The following BARX2 variants were observed in gnomAD, a reference collection of about 807,000 sequenced individuals.
BARX2 encodes the protein BARX homeobox 2.
BARX2 carries 11 observed loss-of-function variants against 25.5 expected under a neutral mutation model. That is an observed-to-expected ratio of 0.43 (90% CI 0.27 to 0.71). The LOEUF (loss-of-function observed/expected upper bound fraction) is 0.71, where lower values mean the gene tolerates loss of function less well. Among genes scored for constraint, BARX2 ranks in the 30% least tolerant of loss-of-function variants. BARX2 has a pLI of 0.19. For synonymous variants in BARX2, 137 were observed against 149.5 expected (o/e 0.92, Z 0.61); for missense variants, 360 against 359.9 (o/e 1.00, Z 0.00).
At chr11:129,447,447 T>C (rs1862344489) in intron 3 of BARX2, among the ~76,000 whole-genome samples, 1 of 152,024 alleles carries the variant, frequency 6.6e-6, no homozygotes, top group Non-Finnish European at 1.5e-5. Flanking sequence ...CTAAACTGGC[T>C]CTAAGAATAA....
rs762710205 is a variant in BARX2 at position 129,376,221 on chromosome 11, G to A, written c.186G>A (p.Thr62=). ...VVRPKPLHSC[T]GSPSLRAYPL... is the part of the protein sequence containing the mutation. ...GACCCAAGCCCCTGCATTCCTGTACGGGTAAGACGCTCCGCTAGGGGATAA... is the reference window on the plus strand; with the variant it reads ...GACCCAAGCCCCTGCATTCCTGTACAGGTAAGACGCTCCGCTAGGGGATAA... The change falls in exon 1 of 4, where the codon ACG becomes ACA. Residue 62 remains threonine, a splice_region_variant and synonymous_variant. Coordinates refer to ENST00000281437, the MANE Select transcript of BARX2 (RefSeq NM_003658.5). This position sits in a 1 kb window ranked among gnomAD's most constrained non-coding sequence, Gnocchi z 4.2. The A allele has an allele frequency of 1.3e-6, 2 of 1,598,594 alleles. No homozygotes were observed. Among genetic ancestry groups the A allele is most frequent in the Non-Finnish European group, 1.7e-6 (2 of 1,172,668 alleles).
chr11:129,436,856 C>T lies in BARX2; in HGVS notation c.293C>T (p.Ser98Phe). The change falls in exon 2 of 4, where the codon TCC becomes TTC. Residue 98 changes from serine (S) to phenylalanine (F), a missense_variant. Transcript: ENST00000281437. The surrounding 1 kb of genome is among the most constrained non-coding windows in gnomAD (Gnocchi z 4.5). Reference sequence around the variant, plus strand: ...ACCCCGGGAATCGCCCAGGCACTGTCCTGCCACCAGGTCACCGAGGCGGTC... The same window carrying T: ...ACCCCGGGAATCGCCCAGGCACTGTTCTGCCACCAGGTCACCGAGGCGGTC... ...PATPGIAQAL[S>F]CHQVTEAVSA... 6.2e-7 allele frequency: 1 copy of T among 1,614,086 alleles called. No homozygotes were observed.
intron 2 of BARX2, among the ~76,000 whole-genome samples, chr11:129,439,203 A>G (rs1862227654): frequency 6.6e-6 from 1 of 152,176 alleles, no homozygotes; most frequent in South Asian, 2.1e-4. Context: ...TTAGGAGAGA[A>G]TCCAGTGATC....
At chr11:129,393,252 A>T (rs1446273177) in intron 1 of BARX2, among the ~76,000 whole-genome samples, 2 of 152,170 alleles carry the variant, frequency 1.3e-5, no homozygotes, top group African/African-American at 4.8e-5. Flanking sequence ...AACAGCAACA[A>T]AAAGAGTGGA....
chr11:129,429,988 T>C (rs1179605039), intron 1 of BARX2, among the ~76,000 whole-genome samples: 3 of 152,180 alleles, frequency 2.0e-5, no homozygotes, highest in African/African-American at 7.2e-5. Context: ...CGTGGTTTTC[T>C]AACTTTCTCT....
chr11:129,442,264 G>T (rs1006895002), intron 2 of BARX2, among the ~76,000 whole-genome samples: 1 of 152,132 alleles, frequency 6.6e-6, no homozygotes, highest in African/African-American at 2.4e-5. Flanking sequence ...CGCTGCCCTG[G>T]CTACTGAGTT....
intron 3 of BARX2, among the ~76,000 whole-genome samples, chr11:129,444,622 A>G (rs928322934): frequency 8.5e-5 from 13 of 152,316 alleles, no homozygotes; most frequent in African/African-American, 2.9e-4. Flanking sequence ...CGAGCATGTT[A>G]TAATTAAGTG....
At chr11:129,428,603 G>C (rs2135407453) in intron 1 of BARX2, among the ~76,000 whole-genome samples, 1 of 152,334 alleles carries the variant, frequency 6.6e-6, no homozygotes, top group East Asian at 1.9e-4. Context: ...ACAGCAAGCA[G>C]CTGGCTCAAG....
chr11:129,415,012 A>G (rs1278144987), intron 1 of BARX2, among the ~76,000 whole-genome samples: 3 of 152,176 alleles, frequency 2.0e-5, no homozygotes, highest in African/African-American at 7.2e-5. Context: ...GCTCATTTAT[A>G]TTTTTATTTA....
intron 1 of BARX2, among the ~76,000 whole-genome samples, chr11:129,428,481 A>T (rs747279743): frequency 3.3e-5 from 5 of 152,254 alleles, no homozygotes; most frequent in Admixed American, 6.5e-5. Context: ...TTTATTTCAC[A>T]GTACTTTTTT....
At chr11:129,427,267 C>T (rs185457970) in intron 1 of BARX2, among the ~76,000 whole-genome samples, 10 of 152,262 alleles carry the variant, frequency 6.6e-5, no homozygotes, top group African/African-American at 2.2e-4. Context: ...TCAAGAAAGA[C>T]TTGGTAACCT....
intron 1 of BARX2, among the ~76,000 whole-genome samples, chr11:129,416,696 T>C (rs915654399): frequency 6.6e-6 from 1 of 152,074 alleles, no homozygotes; most frequent in Non-Finnish European, 1.5e-5. Context: ...ATTTAAATAC[T>C]ACCTTAGAGA....
chr11:129,420,009 G>C (rs1488946372), intron 1 of BARX2, among the ~76,000 whole-genome samples: 1 of 151,968 alleles, frequency 6.6e-6, no homozygotes, highest in African/African-American at 2.4e-5. Flanking sequence ...TCTAACTTCT[G>C]ACCTCAGGTG....
At chr11:129,404,527 G>A (rs1004652282) in intron 1 of BARX2, among the ~76,000 whole-genome samples, 3 of 152,194 alleles carry the variant, frequency 2.0e-5, no homozygotes, top group Non-Finnish European at 4.4e-5. Context: ...TCAAATTGCT[G>A]GATAACCTTT....
intron 1 of BARX2, among the ~76,000 whole-genome samples, chr11:129,426,305 C>T (rs1862061961): frequency 6.6e-6 from 1 of 152,028 alleles, no homozygotes; most frequent in Non-Finnish European, 1.5e-5. Context: ...ACACTCAGCT[C>T]GCTCTCAGCA....
intron 2 of BARX2, among the ~76,000 whole-genome samples, chr11:129,442,430 A>G (rs1050500332): frequency 6.6e-6 from 1 of 152,172 alleles, no homozygotes; most frequent in African/African-American, 2.4e-5. Context: ...TGGGTCTGGA[A>G]TGATGAGTGG....
At chr11:129,431,838 A>G (rs2135409162) in intron 1 of BARX2, among the ~76,000 whole-genome samples, 1 of 152,092 alleles carries the variant, frequency 6.6e-6, no homozygotes, top group East Asian at 1.9e-4. Flanking sequence ...ATGGCTAAGA[A>G]TTCTCTACCT....
intron 1 of BARX2, among the ~76,000 whole-genome samples, chr11:129,405,414 C>G (rs905981768): frequency 1.3e-5 from 2 of 152,220 alleles, no homozygotes; most frequent in African/African-American, 4.8e-5. Context: ...TGTCCCCTCA[C>G]ATAGGCATGG....
chr11:129,437,149 A>T, intron 2 of BARX2, 98 bp downstream of exon 2: 1 of 1,306,984 alleles, frequency 7.7e-7, no homozygotes, highest in Non-Finnish European at 1.0e-6. Flanking sequence ...TGGTACAGTG[A>T]GGCAGGACAC....
Sources: gnomAD v4.1 joint callset for allele counts (sites outside exome capture counted in the v4.1 genomes callset) on GRCh38, gnomAD v4.1.1 for gene constraint, Gnocchi (gnomAD v3.1) non-coding constraint, MANE v1.5 for transcripts, NCBI Gene and HGNC (gene_info 2026-07-23, HGNC 2026-07-21) for gene names.